The following CSMD1 variants were observed in gnomAD, a reference collection of about 807,000 sequenced individuals.
CSMD1 encodes the protein CUB and Sushi multiple domains 1, also known as CUB and sushi domain-containing protein 1.
In CSMD1, 213 loss-of-function variants were observed where a neutral mutation model predicts 417.5. The observed-to-expected ratio is 0.51, with a 90% CI of 0.46 to 0.57. CSMD1 has a LOEUF of 0.57. CSMD1 is among the 20% of genes least tolerant of loss of function. CSMD1 has a pLI of 0.00. For synonymous variants in CSMD1, 2,862 were observed against 1,736.8 expected (o/e 1.65, Z -16.11); for missense variants, 6,923 against 4,529.7 (o/e 1.53, Z -15.17).
chr8:3,979,887 T>C (rs118014675), intron 5 of CSMD1, among the ~76,000 whole-genome samples: 1 of 152,340 alleles, frequency 6.6e-6, no homozygotes, highest in Non-Finnish European at 1.5e-5. Flanking sequence ...ACAAATAAAC[T>C]TTGTAAACTG....
At chr8:4,719,608 G>T (rs776123856) in intron 1 of CSMD1, among the ~76,000 whole-genome samples, 8 of 151,660 alleles carry the variant, frequency 5.3e-5, no homozygotes, top group Non-Finnish European at 1.0e-4. Flanking sequence ...GGATGGTAAG[G>T]TCAATAAAAA....
chr8:4,977,059 C>G (rs776638813), intron 1 of CSMD1, among the ~76,000 whole-genome samples: 16 of 152,270 alleles, frequency 1.1e-4, no homozygotes, highest in Non-Finnish European at 1.9e-4. Context: ...TTTTATACAG[C>G]TTTTAGTATC....
At chr8:3,472,964 A>G (rs917369145) in intron 11 of CSMD1, among the ~76,000 whole-genome samples, 1 of 152,066 alleles carries the variant, frequency 6.6e-6, no homozygotes, top group Non-Finnish European at 1.5e-5. Context: ...CTCTCAGCTG[A>G]ACACTGATTA....
chr8:4,159,221 T>C (rs1410378328), intron 3 of CSMD1, among the ~76,000 whole-genome samples: 1 of 152,188 alleles, frequency 6.6e-6, no homozygotes, highest in East Asian at 1.9e-4. Flanking sequence ...CAGCCCGTAA[T>C]TCTTTATTGA....
At chr8:3,554,602 C>A (rs1799061503) in intron 10 of CSMD1, among the ~76,000 whole-genome samples, 1 of 152,166 alleles carries the variant, frequency 6.6e-6, no homozygotes, top group Non-Finnish European at 1.5e-5. Flanking sequence ...ACAGCATGGC[C>A]AGGCCAAAGA....
chr8:4,647,523 G>A (rs1054196006), intron 1 of CSMD1, among the ~76,000 whole-genome samples: 1 of 152,024 alleles, frequency 6.6e-6, no homozygotes, highest in African/African-American at 2.4e-5. Flanking sequence ...TGCCATGGTT[G>A]TTTGCTGCAC....
intron 3 of CSMD1, among the ~76,000 whole-genome samples, chr8:4,322,811 A>G (rs1232524736): frequency 6.6e-6 from 1 of 152,174 alleles, no homozygotes; most frequent in Non-Finnish European, 1.5e-5. Context: ...CCTGGCCAAC[A>G]TGGTGAAACC....
intron 2 of CSMD1, among the ~76,000 whole-genome samples, chr8:4,493,215 C>G (rs1447909460): frequency 6.6e-6 from 1 of 151,894 alleles, no homozygotes; most frequent in African/African-American, 2.4e-5. Flanking sequence ...ATTGGAAGCA[C>G]AAAAATATAT....
chr8:4,166,755 G>A (rs749139714), intron 3 of CSMD1, among the ~76,000 whole-genome samples: 1 of 152,060 alleles, frequency 6.6e-6, no homozygotes, highest in Non-Finnish European at 1.5e-5. Context: ...AACTATTGAA[G>A]CATAAAAAAA....
chr8:3,892,733 T>G (rs1471701635), intron 5 of CSMD1, among the ~76,000 whole-genome samples: 1 of 147,848 alleles, frequency 6.8e-6, no homozygotes, highest in Non-Finnish European at 1.5e-5. Context: ...TTTTTTTTTT[T>G]TTGCCACTTC....
At chr8:4,407,819 G>C (rs1024131411) in intron 3 of CSMD1, among the ~76,000 whole-genome samples, 2 of 152,120 alleles carry the variant, frequency 1.3e-5, no homozygotes, top group Admixed American at 6.5e-5. Context: ...AGAAGGTTTT[G>C]AACAAGTGTG....
chr8:3,680,765 T>A (rs962643519), intron 7 of CSMD1, among the ~76,000 whole-genome samples: 1 of 152,170 alleles, frequency 6.6e-6, no homozygotes, highest in African/African-American at 2.4e-5. Flanking sequence ...ATATCCCTGA[T>A]GAACATTGAT....
intron 1 of CSMD1, among the ~76,000 whole-genome samples, chr8:4,953,101 C>T (rs945757961): frequency 6.6e-6 from 1 of 151,996 alleles, no homozygotes; most frequent in Non-Finnish European, 1.5e-5. Flanking sequence ...AATATATATT[C>T]AAATGGAATT....
intron 5 of CSMD1, among the ~76,000 whole-genome samples, chr8:3,863,340 G>A (rs898267988): frequency 6.7e-6 from 1 of 149,852 alleles, no homozygotes; most frequent in Admixed American, 6.7e-5. Flanking sequence ...GTGGTTGCAG[G>A]AGTTGAGATC....
At chr8:4,522,853 C>T (rs910322877) in intron 2 of CSMD1, among the ~76,000 whole-genome samples, 2 of 152,146 alleles carry the variant, frequency 1.3e-5, no homozygotes, top group African/African-American at 4.8e-5. Context: ...TTTCAGGGAA[C>T]CATGCCCTGG....
chr8:4,257,154 C>G (rs1585109578), intron 3 of CSMD1, among the ~76,000 whole-genome samples: 2 of 152,170 alleles, frequency 1.3e-5, no homozygotes, highest in Middle Eastern at 3.4e-3. Context: ...GGGCAAATTA[C>G]TAAAAGTTTG....
chr8:4,821,237 G>C (rs528780032), intron 1 of CSMD1, among the ~76,000 whole-genome samples: 1 of 152,212 alleles, frequency 6.6e-6, no homozygotes, highest in Non-Finnish European at 1.5e-5. Context: ...AATTATAAAG[G>C]ATTATTACGC....
intron 2 of CSMD1, among the ~76,000 whole-genome samples, chr8:4,545,698 T>A (rs1309933602): frequency 2.6e-5 from 4 of 152,100 alleles, no homozygotes. Flanking sequence ...ATTTTCTCTG[T>A]TAAAGCTGAT....
intron 5 of CSMD1, among the ~76,000 whole-genome samples, chr8:3,761,500 ATTTT>A (rs57655479): frequency 0.06 from 5,627 of 93,394 alleles, 250 homozygotes; most frequent in African/African-American, 0.21. Context: ...CAAAACGACC[ATTTT>A]TTTTTTTTTT....
Sources: allele counts gnomAD v4.1 joint callset (sites outside exome capture counted in the v4.1 genomes callset), GRCh38; gene constraint gnomAD v4.1.1; transcripts MANE v1.5; gene names NCBI Gene and HGNC (gene_info 2026-07-23, HGNC 2026-07-21).